Variants in BCAS3 observed in about 807,000 individuals in gnomAD.
The protein encoded by BCAS3 is BCAS3 microtubule associated cell migration factor.
In BCAS3, 53 loss-of-function variants were observed where a neutral mutation model predicts 116.1. That is an observed-to-expected ratio of 0.46 (90% CI 0.37 to 0.57). The LOEUF (loss-of-function observed/expected upper bound fraction) is 0.57. BCAS3 is among the 20% of genes least tolerant of loss of function. BCAS3 has a pLI of 0.00. For synonymous variants in BCAS3, 391 were observed against 408.2 expected (o/e 0.96, Z 0.51); for missense variants, 917 against 1,165.4 (o/e 0.79, Z 3.10).
rs1029940082 is a variant in BCAS3 at position 61,235,207 on chromosome 17, A to G, written c.2426-133120A>G. Among the ~76,000 whole-genome samples the G allele has an allele frequency of 1.6e-4, 24 of 152,112 alleles. No individual in the cohort carries two copies. The highest frequency in any genetic ancestry group is 5.3e-4 in the African/African-American group (22 of 41,434). On this transcript the variant is annotated intron_variant, in intron 22 of 23. Transcript: ENST00000407086. The surrounding 1 kb of genome is among the most constrained non-coding windows in gnomAD (Gnocchi z 5.0). ...TGGCTGTCTGCCCCCCGCCTGTCCT[A>G]AGCACTTTAAATGTGTCAACTCATT...
chr17:60,741,991 T>G (rs1220685712), intron 5 of BCAS3, among the ~76,000 whole-genome samples: 2 of 152,220 alleles, frequency 1.3e-5, no homozygotes, highest in East Asian at 3.8e-4. Context: ...ACAGATATCC[T>G]GCATTTTTTT....
rs2057319397 is a variant in BCAS3 at position 61,343,504 on chromosome 17, T to C, written c.2426-24823T>C. Among the ~76,000 whole-genome samples the C allele has an allele frequency of 6.6e-6, 1 of 152,234 alleles. No individual in the cohort carries two copies. The highest frequency in any genetic ancestry group is 6.5e-5 in the Admixed American group (1 of 15,282). On this transcript the variant is annotated intron_variant, in intron 22 of 23. Transcript: ENST00000407086. The surrounding 1 kb of genome is among the most constrained non-coding windows in gnomAD (Gnocchi z 5.5). Reference sequence around the variant, plus strand: ...AGGCCCCAAACTTTTGCCCCAGAAGTTCTGACTCTAGTCTGGAGTGGGCCT... The same window carrying C: ...AGGCCCCAAACTTTTGCCCCAGAAGCTCTGACTCTAGTCTGGAGTGGGCCT...
chr17:61,015,904 AAGGCCTT>A lies in BCAS3; in HGVS notation c.1637+6_1637+12del. Reference sequence around the variant, plus strand: ...GGGACCATCACCAAACGAACCGGGTAAGGCCTTAGACTTGATGCTTTTTTAACAGCTG... The same window carrying A: ...GGGACCATCACCAAACGAACCGGGTAAGACTTGATGCTTTTTTAACAGCTG... On this transcript the variant is annotated splice_donor_5th_base_variant and intron_variant, in intron 16 of 23. Transcript: ENST00000407086. 6.2e-7 allele frequency: 1 copy of A among 1,612,898 alleles called. No individual in the cohort carries two copies. The highest frequency in any genetic ancestry group is 1.1e-5 in the South Asian group (1 of 91,014).
chr17:60,753,729 A>G (rs1022770717), intron 6 of BCAS3, among the ~76,000 whole-genome samples: 18 of 151,716 alleles, frequency 1.2e-4, no homozygotes, highest in Non-Finnish European at 2.2e-4. Context: ...ATTTTATTAC[A>G]TTTTCCATAT....
chr17:61,147,735 C>T (rs1449854343), intron 22 of BCAS3, among the ~76,000 whole-genome samples: 1 of 152,046 alleles, frequency 6.6e-6, no homozygotes, highest in African/African-American at 2.4e-5. Context: ...GCCTGTAATC[C>T]CAGCACTTCG....
chr17:60,887,815 A>C (rs984824516), intron 9 of BCAS3, among the ~76,000 whole-genome samples: 1 of 152,190 alleles, frequency 6.6e-6, no homozygotes, highest in Non-Finnish European at 1.5e-5. Context: ...ACTTTCTGGG[A>C]GGATGCCATC....
intron 23 of BCAS3, among the ~76,000 whole-genome samples, chr17:61,374,688 C>T (rs1442683477): frequency 3.3e-5 from 5 of 152,220 alleles, no homozygotes; most frequent in Non-Finnish European, 2.9e-5. Context: ...ACATAGTGGG[C>T]TCAGTCTTTG....
rs2051797111 is a variant in BCAS3, at chr17:61,286,457, T to C, written c.2426-81870T>C. Reference sequence around the variant, plus strand: ...CCAGCAGGATAGAAATCCGACGTGGTGTTTATGACCCTGGAGGCCATCGAT... The same window carrying C: ...CCAGCAGGATAGAAATCCGACGTGGCGTTTATGACCCTGGAGGCCATCGAT... On this transcript the variant is annotated intron_variant, in intron 22 of 23. Transcript: ENST00000407086. The surrounding 1 kb of genome is among the most constrained non-coding windows in gnomAD (Gnocchi z 4.8). Among the ~76,000 whole-genome samples, 1 of 152,158 alleles carries C rather than the reference T, an allele frequency of 6.6e-6. No homozygotes were observed. The highest frequency in any genetic ancestry group is 6.5e-5 in the Admixed American group (1 of 15,278).
intron 7 of BCAS3, among the ~76,000 whole-genome samples, chr17:60,850,399 C>T (rs998483594): frequency 9.4e-6 from 1 of 106,056 alleles, no homozygotes; most frequent in Non-Finnish European, 1.8e-5. Flanking sequence ...GCTCTTGTTG[C>T]CCAGGTTGGA....
chr17:61,145,418 G>A lies in BCAS3; in HGVS notation c.2425+60854G>A, dbSNP rs1211534791. Among the ~76,000 whole-genome samples, 1 of 152,174 alleles carries A rather than the reference G, an allele frequency of 6.6e-6. No homozygotes were observed. Among genetic ancestry groups the A allele is most frequent in the Non-Finnish European group, 1.5e-5 (1 of 68,038 alleles). On this transcript the variant is annotated intron_variant, in intron 22 of 23. Coordinates refer to ENST00000407086, the MANE Select transcript of BCAS3 (RefSeq NM_017679.5). This position sits in a 1 kb window ranked among gnomAD's most constrained non-coding sequence, Gnocchi z 5.0. Reference sequence around the variant, plus strand: ...TTTGCTCTAGTTCCTGTTCTCTGCTGCAGGGGCTACGGAGAGGGAGTGGGG... The same window carrying A: ...TTTGCTCTAGTTCCTGTTCTCTGCTACAGGGGCTACGGAGAGGGAGTGGGG...
At chr17:61,197,384 G>T (rs755579760) in intron 22 of BCAS3, among the ~76,000 whole-genome samples, 1 of 152,192 alleles carries the variant, frequency 6.6e-6, no homozygotes, top group African/African-American at 2.4e-5. Context: ...ATTTATAGGT[G>T]TAGGATGAGC....
chr17:60,919,372 G>C (rs935004191), intron 12 of BCAS3, among the ~76,000 whole-genome samples: 1 of 152,038 alleles, frequency 6.6e-6, no homozygotes, highest in African/African-American at 2.4e-5. Flanking sequence ...TGCCAGGTTG[G>C]AGTGGTGCAG....
At chr17:61,185,454 A>G (rs2079710846) in intron 22 of BCAS3, among the ~76,000 whole-genome samples, 1 of 152,142 alleles carries the variant, frequency 6.6e-6, no homozygotes, top group African/African-American at 2.4e-5. Flanking sequence ...CCCATATTCT[A>G]CTATATTGTC....
intron 12 of BCAS3, among the ~76,000 whole-genome samples, chr17:60,912,920 T>A (rs2058593546): frequency 6.6e-6 from 1 of 152,152 alleles, no homozygotes; most frequent in Non-Finnish European, 1.5e-5. Flanking sequence ...GAAAATGTTA[T>A]CTCAGTAATT....
At position 60,989,912 on chromosome 17, in the gene BCAS3, T is replaced by C. The variant is rs1472131934; in HGVS notation, c.1222-59T>C. 6 of 1,554,392 alleles carry C rather than the reference T, an allele frequency of 3.9e-6. No homozygotes were observed. The African/African-American group carries it at 8.2e-5, about 21-fold the overall frequency. On this transcript the variant is annotated intron_variant, in intron 14 of 23. Coordinates refer to ENST00000407086, the MANE Select transcript of BCAS3 (RefSeq NM_017679.5). ...ATTCATATTTGGTGATGTGTGATAC[T>C]CTTAGAAAAATCCAAGTAGTTTGAG...
Position 61,238,468 on chromosome 17 carries a change from G to A in BCAS3, c.2426-129859G>A, listed in dbSNP as rs558451176. Among the ~76,000 whole-genome samples, 5 of 151,902 alleles carry A rather than the reference G, an allele frequency of 3.3e-5. No homozygotes were observed. In the East Asian group the frequency reaches 5.8e-4, roughly 18 times the overall value. On this transcript the variant is annotated intron_variant, in intron 22 of 23. Coordinates refer to ENST00000407086, the MANE Select transcript of BCAS3 (RefSeq NM_017679.5). ...GAACTCCTGACCTCGTGATCCACCCGCCTCAGCCTCCCAAAGTGCTGGGAT... is the reference window on the plus strand; with the variant it reads ...GAACTCCTGACCTCGTGATCCACCCACCTCAGCCTCCCAAAGTGCTGGGAT...
Position 61,220,203 on chromosome 17 carries a change from A to T in BCAS3, c.2425+135639A>T, listed in dbSNP as rs1284793820. 1.3e-5 allele frequency among the ~76,000 whole-genome samples: 2 copies of T among 152,136 alleles called. No individual in the cohort carries two copies. The highest frequency in any genetic ancestry group is 4.8e-5 in the African/African-American group (2 of 41,426). ...CAGCTACTCAGGAGGCTGAGGCAGGAGAGTCGCTTGAATCTGGGAGGCAGA... is the reference window on the plus strand; with the variant it reads ...CAGCTACTCAGGAGGCTGAGGCAGGTGAGTCGCTTGAATCTGGGAGGCAGA... On this transcript the variant is annotated intron_variant, in intron 22 of 23. Transcript: ENST00000407086. This position sits in a 1 kb window ranked among gnomAD's most constrained non-coding sequence, Gnocchi z 4.5.
chr17:60,889,753 T>C lies in BCAS3; in HGVS notation c.720T>C (p.Leu240=). Residue 240 remains leucine (L), a synonymous_variant, in exon 10 of 24, where the codon CTT becomes CTC. Coordinates refer to ENST00000407086, the MANE Select transcript of BCAS3 (RefSeq NM_017679.5). ...MNPIALGSRW[L]AYAENKLIRC... is the part of the protein sequence containing the mutation. ...CTATTGCTCTTGGGAGCCGCTGGCT[T>C]GCTTATGCAGAAAACAAGGTAAGAC... 6.2e-7 allele frequency: 1 copy of C among 1,613,162 alleles called. No homozygotes were observed. Among genetic ancestry groups the C allele is most frequent in the Non-Finnish European group, 8.5e-7 (1 of 1,179,802 alleles).
At chr17:61,113,277 CA>C (rs2075218168) in intron 22 of BCAS3, among the ~76,000 whole-genome samples, 1 of 11,702 alleles carries the variant, frequency 8.5e-5, no homozygotes, top group African/African-American at 1.2e-4. Context: ...AAAAACCCTT[CA>C]AAAAATTAAT....
Sources: gnomAD v4.1 joint callset for allele counts (sites outside exome capture counted in the v4.1 genomes callset) on GRCh38, gnomAD v4.1.1 for gene constraint, Gnocchi (gnomAD v3.1) non-coding constraint, MANE v1.5 for transcripts, NCBI Gene and HGNC (gene_info 2026-07-23, HGNC 2026-07-21) for gene names.